Variants in MAD1L1 observed in about 807,000 individuals in gnomAD.
MAD1L1 encodes the protein mitotic spindle assembly checkpoint protein MAD1.
MAD1L1 carries 95 observed loss-of-function variants against 96.9 expected under a neutral mutation model. That is an observed-to-expected ratio of 0.98 (90% confidence interval 0.83 to 1.16). MAD1L1 has a LOEUF of 1.16. Ranked by LOEUF, MAD1L1 falls within the 50% of genes most tolerant of loss-of-function variation. The pLI, the probability that MAD1L1 is intolerant of heterozygous loss-of-function variation, is 0.00. For synonymous variants in MAD1L1, 473 were observed against 396.6 expected, an observed-to-expected ratio of 1.19 and a Z score of -2.29; for missense variants, 1,007 against 954.4, an observed-to-expected ratio of 1.06 and a Z score of -0.73.
chr7:1,842,982 C>A (rs1253556470), intron 18 of MAD1L1, among the ~76,000 whole-genome samples: 2 of 152,244 alleles, frequency 1.3e-5, no homozygotes, highest in Non-Finnish European at 2.9e-5. Flanking sequence ...GTGAGGCCCA[C>A]AGTGGGGCTG....
chr7:2,018,866 T>TCCAA (rs1386909965), intron 12 of MAD1L1, among the ~76,000 whole-genome samples: 1 of 148,270 alleles, frequency 6.7e-6, no homozygotes, highest in Non-Finnish European at 1.5e-5. Flanking sequence ...CTGCAAGGGC[T>TCCAA]CCAAGGCTGT....
At position 1,980,505 on chromosome 7, in the gene MAD1L1, T is replaced by C. The variant is rs571741927; in HGVS notation, c.1453A>G (p.Ser485Gly). The C allele has an allele frequency of 1.2e-6, 2 of 1,603,164 alleles. No homozygotes were observed. Among genetic ancestry groups the C allele is most frequent in the South Asian group, 2.2e-5 (2 of 90,712 alleles). The change falls in exon 15 of 19, where the codon AGC becomes GGC. Residue 485 changes from serine to glycine, a missense_variant. Coordinates refer to ENST00000265854, the MANE Select transcript of MAD1L1 (RefSeq NM_001013836.2). ...AACAGGAAGCTCTGTTCGGCAGAGC[T>C]GGACTGAGACTTCAGCATCTTCAGC... Reference protein sequence around the residue: ...MELKMLKSQSSSAEQSFLFSR... With the variant: ...MELKMLKSQSGSAEQSFLFSR...
chr7:2,195,380 C>T (rs758426030), intron 10 of MAD1L1, among the ~76,000 whole-genome samples: 3 of 152,190 alleles, frequency 2.0e-5, no homozygotes, highest in Admixed American at 6.5e-5. Context: ...AGGCAAAATA[C>T]TCCTGAGACC....
chr7:1,935,735 A>T (rs952089803), intron 17 of MAD1L1, among the ~76,000 whole-genome samples: 1 of 152,206 alleles, frequency 6.6e-6, no homozygotes, highest in Non-Finnish European at 1.5e-5. Flanking sequence ...AAGAAACAGA[A>T]GAAGGTATCA....
intron 14 of MAD1L1, among the ~76,000 whole-genome samples, chr7:1,984,388 A>AGTATATTCTCTAATTTGGGG (rs1426892044): frequency 6.6e-6 from 1 of 152,212 alleles, no homozygotes; most frequent in African/African-American, 2.4e-5. Context: ...TTTTAACATG[A>AGTATATTCTCTAATTTGGGG]GTATATTCTC....
intron 11 of MAD1L1, among the ~76,000 whole-genome samples, chr7:2,126,227 G>A (rs965796716): frequency 4.6e-5 from 7 of 152,250 alleles, no homozygotes; most frequent in South Asian, 2.1e-4. Flanking sequence ...ACACAGGCAA[G>A]GCTCAGTGCG....
At position 1,819,183 on chromosome 7, in the gene MAD1L1, G is replaced by A. The variant is rs1201744244; in HGVS notation, c.1999-2955C>T. Among the ~76,000 whole-genome samples, 3 of 152,096 alleles carry A rather than the reference G, an allele frequency of 2.0e-5. No individual in the cohort carries two copies. The East Asian group carries it at 5.8e-4, about 29-fold the overall frequency. ...GTACCTCGTAAATCACTGTAATTAC[G>A]GGCTGCTCACTTAAAATTAAACTGC... is the stretch of plus-strand genomic sequence containing the variant. On this transcript the variant is annotated intron_variant, in intron 18 of 18. Transcript: ENST00000265854.
At chr7:1,910,462 G>A (rs1439398982) in intron 17 of MAD1L1, among the ~76,000 whole-genome samples, 3 of 152,240 alleles carry the variant, frequency 2.0e-5, no homozygotes, top group Non-Finnish European at 2.9e-5. Context: ...TGCCAGCACT[G>A]TTGAGGGGAC....
In MAD1L1 at chr7:2,084,276, G is replaced by T. The variant is rs796498044; in HGVS notation, c.1074-14938C>A. ...CTTCATTTCCTCAAAGTCCAGGGGG[G>T]ACAGAAAGGGCCTGTCCACAGGTGT... On this transcript the variant is annotated intron_variant, in intron 11 of 18. Transcript: ENST00000265854. Among the ~76,000 whole-genome samples the T allele has an allele frequency of 3.9e-5, 6 of 152,342 alleles. No homozygotes were observed. In the East Asian group the frequency reaches 7.7e-4, roughly 20 times the overall value.
At chr7:2,155,866 C>G (rs1789808536) in intron 10 of MAD1L1, among the ~76,000 whole-genome samples, 1 of 152,192 alleles carries the variant, frequency 6.6e-6, no homozygotes, top group Admixed American at 6.5e-5. Flanking sequence ...TTCCGAGAAC[C>G]ACCACAGGCT....
rs146806090 is a variant in MAD1L1, at chr7:2,077,312, T to C, written c.1074-7974A>G. 1.7e-3 allele frequency among the ~76,000 whole-genome samples: 254 copies of C among 152,336 alleles called. 1 individual carries two copies. Among genetic ancestry groups the C allele is most frequent in the African/African-American group, 5.2e-3 (216 of 41,586 alleles). ...TTTATTCTTAGCTATCTGAGGAACA[T>C]AGATCAAGACCCACCCACAAGTATG... is the stretch of plus-strand genomic sequence containing the variant. On this transcript the variant is annotated intron_variant, in intron 11 of 18. Transcript: ENST00000265854.
intron 15 of MAD1L1, among the ~76,000 whole-genome samples, chr7:1,959,800 C>T (rs898152541): frequency 4.6e-5 from 7 of 152,254 alleles, no homozygotes; most frequent in African/African-American, 1.7e-4. Context: ...CAGGTAAGGC[C>T]TGCAGGTGAG....
At chr7:2,159,679 C>G in intron 10 of MAD1L1, among the ~76,000 whole-genome samples, 1 of 152,176 alleles carries the variant, frequency 6.6e-6, no homozygotes, top group Middle Eastern at 3.2e-3. Flanking sequence ...AACTATCCGA[C>G]TAAATGCTAC....
intron 10 of MAD1L1, among the ~76,000 whole-genome samples, chr7:2,198,056 T>C (rs1584525886): frequency 6.7e-6 from 1 of 148,816 alleles, no homozygotes; most frequent in Admixed American, 6.7e-5. Context: ...GCGCCCCCGC[T>C]CATCCCAAGG....
chr7:1,845,376 A>T (rs1294707997), intron 18 of MAD1L1: 1 of 152,290 alleles, frequency 6.6e-6, no homozygotes, highest in Non-Finnish European at 1.5e-5. Flanking sequence ...CTGCATGGGG[A>T]CTCAAACCAC....
intron 12 of MAD1L1, among the ~76,000 whole-genome samples, chr7:2,033,742 T>C (rs1783337627): frequency 6.6e-6 from 1 of 152,380 alleles, no homozygotes. Flanking sequence ...CGGGCGCTTC[T>C]GGAAAACGAG....
intron 11 of MAD1L1, among the ~76,000 whole-genome samples, chr7:2,130,740 C>T (rs2128567831): frequency 6.6e-6 from 1 of 152,342 alleles, no homozygotes; most frequent in African/African-American, 2.4e-5. Context: ...AACACCACAC[C>T]TCTCCCACTT....
At chr7:1,996,780 C>A (rs572437335) in intron 14 of MAD1L1, among the ~76,000 whole-genome samples, 1 of 152,110 alleles carries the variant, frequency 6.6e-6, no homozygotes, top group Non-Finnish European at 1.5e-5. Flanking sequence ...TTAATCAGAG[C>A]TGAGAGCGGC....
intron 12 of MAD1L1, among the ~76,000 whole-genome samples, chr7:2,052,501 G>T (rs905738542): frequency 8.5e-5 from 13 of 152,098 alleles, no homozygotes; most frequent in African/African-American, 3.1e-4. Flanking sequence ...GGAGGGGGCT[G>T]GACACTCACT....
Sources: allele counts gnomAD v4.1 joint callset (sites outside exome capture counted in the v4.1 genomes callset), GRCh38; gene constraint gnomAD v4.1.1; transcripts MANE v1.5; gene names NCBI Gene and HGNC (gene_info 2026-07-23, HGNC 2026-07-21).